The following ANLN variants were observed in gnomAD, a reference collection of about 807,000 sequenced individuals.
ANLN encodes anillin.
A neutral mutation model predicts 135.1 loss-of-function variants in ANLN; 59 were observed. The observed-to-expected ratio is 0.44, with a 90% CI of 0.35 to 0.54. The LOEUF is 0.54. Among genes scored for constraint, ANLN ranks in the 20% least tolerant of loss-of-function variants. ANLN has a pLI of 0.00. For synonymous variants in ANLN, 406 were observed against 456.4 expected (o/e 0.89, Z 1.41); for missense variants, 1,182 against 1,340.0 (o/e 0.88, Z 1.84).
intron 8 of ANLN, 25 bp downstream of exon 8, chr7:36,415,909 G>T (rs184697276): frequency 1.8e-4 from 275 of 1,537,952 alleles, no homozygotes; most frequent in Non-Finnish European, 2.3e-4. Context: ...ATTGTTCATG[G>T]TTAGTATGTA....
intron 20 of ANLN, among the ~76,000 whole-genome samples, chr7:36,433,673 A>G (rs1788417247): frequency 6.6e-6 from 1 of 151,906 alleles, no homozygotes; most frequent in Admixed American, 6.6e-5. Flanking sequence ...ACTATTGACT[A>G]TTTTTCTACA....
At chr7:36,432,344 C>G (rs1788366794) in intron 20 of ANLN, among the ~76,000 whole-genome samples, 1 of 152,200 alleles carries the variant, frequency 6.6e-6, no homozygotes, top group South Asian at 2.1e-4. Flanking sequence ...GCTGCTTCTT[C>G]TGTTGTATCT....
chr7:36,409,817 G>A lies in ANLN; in HGVS notation c.1097-697G>A, dbSNP rs1353669397. Among the ~76,000 whole-genome samples the A allele has an allele frequency of 2.0e-5, 3 of 152,132 alleles. No homozygotes were observed. The East Asian group carries it at 5.8e-4, about 29-fold the overall frequency. On this transcript the variant is annotated intron_variant, in intron 5 of 23. Transcript: ENST00000265748. Reference sequence around the variant, plus strand: ...GCCCACCAAGTAGCTGGGACTATAGGCATGCCACTACAAGTGGTTAATTTT... The same window carrying A: ...GCCCACCAAGTAGCTGGGACTATAGACATGCCACTACAAGTGGTTAATTTT...
intron 5 of ANLN, among the ~76,000 whole-genome samples, chr7:36,408,440 T>A (rs1182375200): frequency 6.6e-6 from 1 of 152,148 alleles, no homozygotes; most frequent in Non-Finnish European, 1.5e-5. Context: ...TTTGAAAAAA[T>A]TGCTGTTTAT....
intron 14 of ANLN, among the ~76,000 whole-genome samples, chr7:36,423,397 G>A (rs1379173236): frequency 6.6e-6 from 1 of 152,084 alleles, no homozygotes; most frequent in African/African-American, 2.4e-5. Flanking sequence ...GACAAATGGT[G>A]AAGAAATAGT....
intron 2 of ANLN, among the ~76,000 whole-genome samples, chr7:36,397,170 A>G (rs1583591589): frequency 7.1e-6 from 1 of 141,084 alleles, no homozygotes; most frequent in South Asian, 2.3e-4. Flanking sequence ...AAAAGAAAGC[A>G]GAGAAGTGTA....
intron 22 of ANLN, chr7:36,449,179 C>T (rs1789138212): frequency 6.6e-6 from 1 of 152,344 alleles, no homozygotes. Flanking sequence ...TCCACTTTGA[C>T]TCGTATCATA....
rs186721580 is a variant in ANLN at position 36,411,409 on chromosome 7, A to G, written c.1395+243A>G. ...CTTAAAATCAAATTTTACAAAAATT[A>G]TTTTCATCATTCATTTGATTTCAGA... On this transcript the variant is annotated intron_variant, in intron 7 of 23. Coordinates refer to ENST00000265748, the MANE Select transcript of ANLN (RefSeq NM_018685.5). Among the ~76,000 whole-genome samples the G allele has an allele frequency of 4.3e-4, 65 of 152,338 alleles. 2 individuals carry two copies. The East Asian group carries it at 0.012, about 27-fold the overall frequency.
At chr7:36,390,166 A>T (rs548454728) in intron 1 of ANLN, 122 bp downstream of exon 1, 5 of 1,558,244 alleles carry the variant, frequency 3.2e-6, no homozygotes, top group Non-Finnish European at 3.5e-6. Context: ...GCGCGTGCGC[A>T]GTGTGTGCGG....
At chr7:36,438,939 A>T (rs1476335640) in intron 20 of ANLN, among the ~76,000 whole-genome samples, 1 of 152,202 alleles carries the variant, frequency 6.6e-6, no homozygotes, top group African/African-American at 2.4e-5. Context: ...ATAAACCCAA[A>T]TATTGTCGTC....
intron 4 of ANLN, 144 bp from the exon 5 acceptor site, chr7:36,407,589 GT>G (rs1583605691): frequency 3.3e-6 from 2 of 614,954 alleles, no homozygotes; most frequent in African/African-American, 3.7e-5. Flanking sequence ...TTTCAAATTT[GT>G]TTGATCTATT....
intron 22 of ANLN, among the ~76,000 whole-genome samples, chr7:36,445,161 C>CTTTTT (rs70977145): frequency 1.0e-4 from 6 of 57,820 alleles, no homozygotes; most frequent in African/African-American, 2.7e-4. Context: ...ATTTGGGATT[C>CTTTTT]TTTTTTTTTT....
At chr7:36,403,731 C>T (rs560411195) in intron 3 of ANLN, among the ~76,000 whole-genome samples, 2 of 152,052 alleles carry the variant, frequency 1.3e-5, no homozygotes, top group African/African-American at 4.8e-5. Context: ...TCGCTGCAAC[C>T]TCCTCCACCT....
At chr7:36,451,195 C>T (rs1026890519) in intron 23 of ANLN, among the ~76,000 whole-genome samples, 10 of 152,320 alleles carry the variant, frequency 6.6e-5, no homozygotes, top group Admixed American at 2.0e-4. Flanking sequence ...TGTTTCCTTA[C>T]GGGGCCTTGG....
chr7:36,439,342 C>A, intron 21 of ANLN, 52 bp downstream of exon 21: 2 of 1,039,776 alleles, frequency 1.9e-6, no homozygotes, highest in African/African-American at 1.6e-5. Context: ...TTGTGAAATA[C>A]AGACTTGTTT....
At chr7:36,396,800 G>A (rs749841676) in intron 2 of ANLN, among the ~76,000 whole-genome samples, 2 of 152,102 alleles carry the variant, frequency 1.3e-5, no homozygotes, top group Non-Finnish European at 2.9e-5. Context: ...GGTGTCTCCG[G>A]TACCAGCAAG....
intron 2 of ANLN, among the ~76,000 whole-genome samples, chr7:36,397,177 T>C (rs917550239): frequency 1.3e-5 from 2 of 151,490 alleles, no homozygotes; most frequent in African/African-American, 2.4e-5. Context: ...AGCAGAGAAG[T>C]GTACATGGGG....
intron 20 of ANLN, among the ~76,000 whole-genome samples, chr7:36,435,649 G>A (rs954783787): frequency 6.6e-6 from 1 of 151,580 alleles, no homozygotes; most frequent in African/African-American, 2.4e-5. Flanking sequence ...CGAGGCGGGC[G>A]GATCACGAGG....
chr7:36,438,690 T>A (rs1272336889), intron 20 of ANLN, among the ~76,000 whole-genome samples: 1 of 152,250 alleles, frequency 6.6e-6, no homozygotes, highest in African/African-American at 2.4e-5. Context: ...CTGCTTTGAT[T>A]ACCAAAGTTT....
Sources: allele counts gnomAD v4.1 joint callset (sites outside exome capture counted in the v4.1 genomes callset), GRCh38; gene constraint gnomAD v4.1.1; transcripts MANE v1.5; gene names NCBI Gene and HGNC (gene_info 2026-07-23, HGNC 2026-07-21).